Variants in CATSPER4 observed in about 807,000 individuals in gnomAD.
The protein encoded by CATSPER4 is cation channel sperm associated 4.
CATSPER4 carries 46 observed loss-of-function variants against 54.4 expected under a neutral mutation model. That is an observed-to-expected ratio of 0.84 (90% CI 0.67 to 1.08). The LOEUF is 1.08. CATSPER4 is among the 50% of genes least tolerant of loss of function. CATSPER4 has a pLI of 0.00. For missense variants in CATSPER4, 574 were observed against 612.8 expected, an observed-to-expected ratio of 0.94 and a Z score of 0.67; for synonymous variants, 230 against 231.9, an observed-to-expected ratio of 0.99 and a Z score of 0.08.
chr1:26,200,937 C>G lies in CATSPER4; in HGVS notation c.1095C>G (p.Pro365=), dbSNP rs2089000650. The G allele has an allele frequency of 1.2e-6, 2 of 1,614,078 alleles. No individual in the cohort carries two copies. Among genetic ancestry groups the G allele is most frequent in the South Asian group, 2.2e-5 (2 of 91,080 alleles). ...TCCAGGAACCCCTTGCGGGAGGCCC[C>G]CTGTCGAACCTCTCAGAAAACACGT... ...GLLQEPLAGG[P]LSNLSENTCD... The change falls in exon 8 of 10, where the codon CCC becomes CCG. Residue 365 remains proline (P), a synonymous_variant. Transcript: ENST00000456354.
chr1:26,194,865 T>A (rs2088913274), intron 3 of CATSPER4, among the ~76,000 whole-genome samples: 1 of 152,108 alleles, frequency 6.6e-6, no homozygotes, highest in Admixed American at 6.6e-5. Context: ...GGTAAGAGGA[T>A]CACTTGAGGC....
chr1:26,194,245 T>C (rs1378030931), intron 3 of CATSPER4, among the ~76,000 whole-genome samples: 3 of 152,268 alleles, frequency 2.0e-5, no homozygotes, highest in Admixed American at 2.0e-4. Flanking sequence ...TTAAGCTTCA[T>C]GGCTGTACAG....
At chr1:26,196,402 C>CTTTTTTTTTTTTTTTTTTT in intron 3 of CATSPER4, among the ~76,000 whole-genome samples, 1 of 82,456 alleles carries the variant, frequency 1.2e-5, no homozygotes, top group African/African-American at 4.8e-5. Context: ...TTTTCTTTTC[C>CTTTTTTTTTTTTTTTTTTT]TTTTTTTTTT....
rs200760830 is a variant in CATSPER4 at position 26,190,731 on chromosome 1, T to A, written c.104T>A (p.Val35Glu). Residue 35 changes from valine (V) to glutamate (E), a missense_variant, in exon 1 of 10, where the codon GTA (valine) becomes GAA (glutamate). Coordinates refer to ENST00000456354, the MANE Select transcript of CATSPER4 (RefSeq NM_198137.2). Reference protein sequence around the residue: ...QEDRMGFGGAVAALRGRPSPL... With the variant: ...QEDRMGFGGAEAALRGRPSPL... ...GACCGTATGGGGTTTGGAGGGGCAG[T>A]AGCTGCACTGAGGGGCCGCCCCTCT... 1 of 1,613,522 alleles carries A rather than the reference T, an allele frequency of 6.2e-7. No individual in the cohort carries two copies. Among genetic ancestry groups the A allele is most frequent in the Non-Finnish European group, 8.5e-7 (1 of 1,179,886 alleles).
At position 26,199,942 on chromosome 1, in the gene CATSPER4, A is replaced by T; in HGVS notation, c.871A>T (p.Ile291Phe). 6.2e-7 allele frequency: 1 copy of T among 1,614,210 alleles called. No individual in the cohort carries two copies. The change falls in exon 7 of 10, where the codon ATC becomes TTC. Residue 291 changes from isoleucine to phenylalanine, a missense_variant. Transcript: ENST00000456354. ...IGGAIYFTIF[I>F]TIGAFIGINL... ...GGGTGCCATCTACTTTACCATCTTC[A>T]TCACCATCGGTGCCTTCATTGGCAT...
At chr1:26,201,690 C>CTTTTTTTTTTTCCTTT in intron 9 of CATSPER4, 171 bp downstream of exon 9, 1 of 395,794 alleles carries the variant, frequency 2.5e-6, no homozygotes, top group Non-Finnish European at 4.5e-6. Flanking sequence ...TCTTTCTTTC[C>CTTTTTTTTTTTCCTTT]TTTTTTTTTT....
Position 26,197,945 on chromosome 1 carries a change from G to T in CATSPER4, c.558-12G>T. On this transcript the variant is annotated splice_polypyrimidine_tract_variant and intron_variant, in intron 4 of 9. Coordinates refer to ENST00000456354, the MANE Select transcript of CATSPER4 (RefSeq NM_198137.2). Reference sequence around the variant, plus strand: ...AAGGGCCTAGGGGCACCCCTGACAGGCTCTGCCACAGGGCGCTTCGTCTGG... The same window carrying T: ...AAGGGCCTAGGGGCACCCCTGACAGTCTCTGCCACAGGGCGCTTCGTCTGG... 6.2e-7 allele frequency: 1 copy of T among 1,612,688 alleles called. No individual in the cohort carries two copies. Among genetic ancestry groups the T allele is most frequent in the South Asian group, 1.1e-5 (1 of 91,036 alleles).
At chr1:26,197,819 A>T (rs1341456314) in intron 4 of CATSPER4, 36 bp downstream of exon 4, 6 of 1,607,076 alleles carry the variant, frequency 3.7e-6, no homozygotes, top group Non-Finnish European at 5.1e-6. Flanking sequence ...AGGGGGACCT[A>T]TCTGGAACCC....
chr1:26,196,557 A>G (rs1161092790), intron 3 of CATSPER4, among the ~76,000 whole-genome samples: 3 of 151,440 alleles, frequency 2.0e-5, no homozygotes, highest in African/African-American at 7.3e-5. Flanking sequence ...ACAGGGGCAC[A>G]TGCCAACACC....
chr1:26,202,404 G>A, intron 9 of CATSPER4, 85 bp from the exon 10 acceptor site: 2 of 1,222,380 alleles, frequency 1.6e-6, no homozygotes, highest in East Asian at 2.4e-5. Flanking sequence ...GGCTGGGGAA[G>A]CTGGTGAGAC....
Position 26,201,500 on chromosome 1 carries a change from C to G in CATSPER4, c.1346C>G (p.Ala449Gly), listed in dbSNP as rs758328338. 6.2e-7 allele frequency: 1 copy of G among 1,613,838 alleles called. No individual in the cohort carries two copies. The change falls in exon 9 of 10, where the codon GCG becomes GGG. Residue 449 changes from alanine to glycine, a missense_variant. Transcript: ENST00000456354. ...QMSQQQDLLSALVSMEKVHDS... is the reference protein window; with the variant it reads ...QMSQQQDLLSGLVSMEKVHDS... ...TCTCAACAGCAAGACTTGCTCAGTG[C>G]GCTCGTTAGCATGGAAAAGGTGTGC...
rs868243407 is a variant in CATSPER4, at chr1:26,197,538, G to A, written c.460-148G>A. 53 of 667,432 alleles carry A rather than the reference G, an allele frequency of 7.9e-5. 1 individual carries two copies. In the East Asian group the frequency reaches 1.0e-3, roughly 13 times the overall value. The allele number at this position is 667,432 out of a possible 1,614,324, so 41.3% of individuals were successfully genotyped here. On this transcript the variant is annotated intron_variant, in intron 3 of 9. Transcript: ENST00000456354. ...GTGTTTTGTGGCTTGTTTGGGGGGC[G>A]GCAGGGTAACAGCAGTGGATGGCAG...
rs1375101677 is a variant in CATSPER4 at position 26,190,688 on chromosome 1, TG to T, written c.65del (p.Gly22AlafsTer14). 1 of 1,610,060 alleles carries T rather than the reference TG, an allele frequency of 6.2e-7. No individual in the cohort carries two copies. Among genetic ancestry groups the T allele is most frequent in the African/African-American group, 1.3e-5 (1 of 74,168 alleles). The stretch of plus-strand genomic sequence containing the variant: ...GACCTCCCATACAGGCCTCGAGGGG[TG>T]GGGCGGGACTCAGGAGGACCGTATG... The part of the protein sequence containing the change: ...QWTSHTGLEG[W>X]GGTQEDRMGF... On this transcript the variant is annotated frameshift_variant, in exon 1 of 10. Coordinates refer to ENST00000456354, the MANE Select transcript of CATSPER4 (RefSeq NM_198137.2). LOFTEE classifies it high-confidence loss of function.
intron 3 of CATSPER4, among the ~76,000 whole-genome samples, chr1:26,194,973 T>A (rs2088920850): frequency 6.6e-6 from 1 of 152,064 alleles, no homozygotes; most frequent in Non-Finnish European, 1.5e-5. Flanking sequence ...TAATCCCAGC[T>A]ACTTAGAGGC....
Position 26,201,493 on chromosome 1 carries a change from C to T in CATSPER4, c.1339C>T (p.Leu447Phe), listed in dbSNP as rs2089007920. 6.2e-7 allele frequency: 1 copy of T among 1,613,928 alleles called. No homozygotes were observed. Among genetic ancestry groups the T allele is most frequent in the Admixed American group, 1.7e-5 (1 of 60,004 alleles). The change falls in exon 9 of 10, where the codon CTC becomes TTC. Residue 447 changes from leucine to phenylalanine, a missense_variant. Physicochemically the swap from Leu to Phe is conservative, Grantham distance 22 (BLOSUM62 0). Coordinates refer to ENST00000456354, the MANE Select transcript of CATSPER4 (RefSeq NM_198137.2). Reference protein sequence around the residue: ...IRQMSQQQDLLSALVSMEKVH... With the variant: ...IRQMSQQQDLFSALVSMEKVH... ...CCAGATGTCTCAACAGCAAGACTTG[C>T]TCAGTGCGCTCGTTAGCATGGAAAA... is the stretch of plus-strand genomic sequence containing the variant.
At chr1:26,202,208 A>G (rs1408014806) in intron 9 of CATSPER4, among the ~76,000 whole-genome samples, 1 of 152,122 alleles carries the variant, frequency 6.6e-6, no homozygotes, top group Non-Finnish European at 1.5e-5. Context: ...CCAGGATCCT[A>G]TCTAAGGTGC....
Position 26,201,019 on chromosome 1 carries a change from G to A in CATSPER4, c.1177G>A (p.Glu393Lys). The A allele has an allele frequency of 1.9e-6, 3 of 1,614,002 alleles. No homozygotes were observed. The highest frequency in any genetic ancestry group is 2.5e-6 in the Non-Finnish European group (3 of 1,179,854). ...AIQENLRQYK[E>K]IRDELNMIVE... The stretch of plus-strand genomic sequence containing the variant: ...ACAGGAGAACCTGAGGCAGTACAAG[G>A]AGATCCGAGATGAACTCAACATGTA... The change falls in exon 8 of 10, where the codon GAG becomes AAG. Residue 393 changes from glutamate to lysine, a missense_variant. Glu to Lys is a moderately conservative substitution (Grantham distance 56). Transcript: ENST00000456354.
rs2088903104 is a variant in CATSPER4 at position 26,193,811 on chromosome 1, A to G, written c.382A>G (p.Ile128Val). Reference protein sequence around the residue: ...DQKHYELFSTIDDIVLTILLC... With the variant: ...DQKHYELFSTVDDIVLTILLC... ...GAAACACTATGAGTTGTTCTCTACCATAGATGACATTGTGCTGACCATCCT... is the reference window on the plus strand; with the variant it reads ...GAAACACTATGAGTTGTTCTCTACCGTAGATGACATTGTGCTGACCATCCT... Residue 128 changes from isoleucine (I) to valine (V), a missense_variant, in exon 3 of 10, where the codon ATA (isoleucine) becomes GTA (valine). Physicochemically the swap from Ile to Val is conservative, Grantham distance 29. Coordinates refer to ENST00000456354, the MANE Select transcript of CATSPER4 (RefSeq NM_198137.2). The G allele has an allele frequency of 6.2e-7, 1 of 1,613,806 alleles. No individual in the cohort carries two copies. The highest frequency in any genetic ancestry group is 8.5e-7 in the Non-Finnish European group (1 of 1,179,696).
At chr1:26,196,917 T>C (rs6658365) in intron 3 of CATSPER4, among the ~76,000 whole-genome samples, 34,887 of 93,798 alleles carry the variant, frequency 0.37, 4,563 homozygotes, top group African/African-American at 0.43. Context: ...TTCTTTCTTT[T>C]TTTTTTTTTT....
Sources: allele counts gnomAD v4.1 joint callset (sites outside exome capture counted in the v4.1 genomes callset), GRCh38; gene constraint gnomAD v4.1.1; transcripts MANE v1.5; gene names NCBI Gene and HGNC (gene_info 2026-07-23, HGNC 2026-07-21).